KIAA1549: variants seen among roughly 807,000 people sequenced by gnomAD.
The protein encoded by KIAA1549 is UPF0606 protein KIAA1549.
In KIAA1549, 70 loss-of-function variants were observed where a neutral mutation model predicts 156.4. The ratio of observed to expected loss-of-function variants is 0.45; its 90% CI spans 0.37 to 0.55. The LOEUF (loss-of-function observed/expected upper bound fraction) is 0.55. Ranked by LOEUF, KIAA1549 falls within the 20% of genes least tolerant of loss-of-function variation. The probability of loss-of-function intolerance (pLI) is 0.00; values close to 1 mark genes in which losing one functional copy is unlikely to be tolerated. For synonymous variants in KIAA1549, 1,103 were observed against 1,066.4 expected, an observed-to-expected ratio of 1.03 and a Z score of -0.67; for missense variants, 2,428 against 2,540.9, an observed-to-expected ratio of 0.96 and a Z score of 0.96.
Position 138,919,219 on chromosome 7 carries a change from C to G in KIAA1549, c.407G>C (p.Ser136Thr). 6.2e-7 allele frequency: 1 copy of G among 1,614,010 alleles called. No individual in the cohort carries two copies. The highest frequency in any genetic ancestry group is 8.5e-7 in the Non-Finnish European group (1 of 1,179,898). Residue 136 changes from serine to threonine, a missense_variant, in exon 2 of 20, where the codon AGC becomes ACC. By Grantham distance (58) the Ser-to-Thr change is moderately conservative (BLOSUM62 1). Coordinates refer to ENST00000422774, the MANE Select transcript of KIAA1549 (RefSeq NM_001164665.2). Reference sequence around the variant, plus strand: ...TGACACGTAAGTTGCCACAAAGATGCTGGGATCTGCTGTACTTTTGGTCTG... The same window carrying G: ...TGACACGTAAGTTGCCACAAAGATGGTGGGATCTGCTGTACTTTTGGTCTG... The part of the protein sequence containing the change: ...GKQTKSTADP[S>T]IFVATYVSVT...
At chr7:138,843,794 AT>A (rs1202638160) in intron 18 of KIAA1549, among the ~76,000 whole-genome samples, 1 of 152,172 alleles carries the variant, frequency 6.6e-6, no homozygotes, top group Non-Finnish European at 1.5e-5. Flanking sequence ...AGGACACACT[AT>A]TTTTTTGCTG....
intron 17 of KIAA1549, among the ~76,000 whole-genome samples, chr7:138,845,899 G>A (rs183620603): frequency 5.0e-4 from 76 of 152,208 alleles, no homozygotes; most frequent in African/African-American, 1.2e-3. Flanking sequence ...CCAAACACCC[G>A]AGTCTGAATA....
At chr7:138,942,001 T>C (rs982961943) in intron 1 of KIAA1549, among the ~76,000 whole-genome samples, 1 of 152,232 alleles carries the variant, frequency 6.6e-6, no homozygotes, top group African/African-American at 2.4e-5. Context: ...CAATGCTCAA[T>C]TTTTATAAGC....
rs1812454637 is a variant in KIAA1549 at position 138,919,061 on chromosome 7, C to T, written c.565G>A (p.Ala189Thr). Residue 189 changes from alanine to threonine, a missense_variant, in exon 2 of 20, where the codon GCA becomes ACA. By Grantham distance (58) the Ala-to-Thr change is moderately conservative. This residue lies in a region of KIAA1549 where 893 missense variants were observed against 847.9 expected (regional missense o/e 1.05). Coordinates refer to ENST00000422774, the MANE Select transcript of KIAA1549 (RefSeq NM_001164665.2). ...TVSPPGLPRE[A>T]LEPMLTPSLP... ...GATGGAGTGAGCATAGGTTCTAATG[C>T]TTCCCTGGGCAGCCCTGGTGGGCTG... 5.0e-6 allele frequency: 8 copies of T among 1,613,916 alleles called. No individual in the cohort carries two copies. Among genetic ancestry groups the T allele is most frequent in the Admixed American group, 1.7e-5 (1 of 60,010 alleles).
chr7:138,965,426 A>G (rs912460840), intron 1 of KIAA1549, among the ~76,000 whole-genome samples: 1 of 152,176 alleles, frequency 6.6e-6, no homozygotes, highest in Non-Finnish European at 1.5e-5. Flanking sequence ...CCTGGGCTCA[A>G]GCAATCCGCC....
At position 138,916,962 on chromosome 7, in the gene KIAA1549, G is replaced by T. The variant is rs552102946; in HGVS notation, c.2664C>A (p.Thr888=). The T allele has an allele frequency of 6.2e-6, 10 of 1,602,602 alleles. No individual in the cohort carries two copies. In the South Asian group the frequency reaches 1.1e-4, roughly 18 times the overall value. ...NTSTEVSTTS[T]GAATGGPLDS... ...CGAGGGGACCACCAGTGGCAGCACC[G>T]GTGCTGGTTGTGCTCACTTCCGTGG... Residue 888 remains threonine (T), a synonymous_variant, in exon 2 of 20, where the codon ACC becomes ACA. Transcript: ENST00000422774.
chr7:138,962,199 T>C lies in KIAA1549; in HGVS notation c.187+18884A>G, dbSNP rs375785848. The stretch of plus-strand genomic sequence containing the variant: ...TTCCTAGAAGAATGCCTGACATAAG[T>C]GCACATTCGATTTTAGTTACCTATT... On this transcript the variant is annotated intron_variant, in intron 1 of 19. Coordinates refer to ENST00000422774, the MANE Select transcript of KIAA1549 (RefSeq NM_001164665.2). Among the ~76,000 whole-genome samples, 41 of 152,348 alleles carry C rather than the reference T, an allele frequency of 2.7e-4. 3 individuals are homozygous for C. The East Asian group carries it at 6.2e-3, about 23-fold the overall frequency.
At position 138,905,053 on chromosome 7, in the gene KIAA1549, A is replaced by G; in HGVS notation, c.3489T>C (p.Ser1163=). 6.3e-7 allele frequency: 1 copy of G among 1,577,360 alleles called. No homozygotes were observed. Among genetic ancestry groups the G allele is most frequent in the South Asian group, 1.2e-5 (1 of 85,702 alleles). Residue 1163 remains serine (S), a synonymous_variant, in exon 7 of 20, where the codon TCT becomes TCC. Coordinates refer to ENST00000422774, the MANE Select transcript of KIAA1549 (RefSeq NM_001164665.2). ...EPFQYPQLNL[S]QLLKSSWVRT... is the part of the protein sequence containing the mutation. ...TGACCCAAGAGGACTTCAGCAACTG[A>G]GATAAGTTGAGCTGTGGATACTGGA...
intron 10 of KIAA1549, among the ~76,000 whole-genome samples, chr7:138,884,725 T>C (rs965541241): frequency 1.3e-5 from 2 of 152,232 alleles, no homozygotes; most frequent in Non-Finnish European, 2.9e-5. Flanking sequence ...AAGCATTCCT[T>C]TGAAGTGACT....
chr7:138,956,957 A>G (rs950180565), intron 1 of KIAA1549, among the ~76,000 whole-genome samples: 12 of 152,232 alleles, frequency 7.9e-5, no homozygotes, highest in Non-Finnish European at 1.5e-4. Context: ...AAAACTAGTT[A>G]GGAACAATCA....
intron 1 of KIAA1549, among the ~76,000 whole-genome samples, chr7:138,967,481 C>T (rs906253820): frequency 1.3e-5 from 2 of 152,070 alleles, no homozygotes; most frequent in East Asian, 3.9e-4. Context: ...GAATGCATAT[C>T]GTTTTTATAA....
chr7:138,956,194 A>G (rs944007351), intron 1 of KIAA1549, among the ~76,000 whole-genome samples: 4 of 152,196 alleles, frequency 2.6e-5, no homozygotes, highest in African/African-American at 7.2e-5. Context: ...AATCACCCAC[A>G]GGGATTTAGT....
At chr7:138,977,961 A>G (rs548512172) in intron 1 of KIAA1549, among the ~76,000 whole-genome samples, 1 of 152,314 alleles carries the variant, frequency 6.6e-6, no homozygotes, top group East Asian at 1.9e-4. Flanking sequence ...CGGCTTCCCA[A>G]AGTGCTGGGA....
Position 138,911,220 on chromosome 7 carries a change from C to T in KIAA1549, c.3071G>A (p.Arg1024His), listed in dbSNP as rs763996909. Reference protein sequence around the residue: ...INVLINSKLVRDQTPLILSVK... With the variant: ...INVLINSKLVHDQTPLILSVK... ...AGACAGGATTAAAGGAGTCTGGTCA[C>T]GGACAAGCTTACTGTTTATAAGCAC... Residue 1024 changes from arginine to histidine, a missense_variant, in exon 4 of 20, where the codon CGT (arginine) becomes CAT (histidine). By Grantham distance (29) the Arg-to-His change is conservative (BLOSUM62 0). Around this residue, in one of 5 missense-constraint regions of KIAA1549, gnomAD observed 762 missense variants for 901.6 expected, o/e 0.85. Coordinates refer to ENST00000422774, the MANE Select transcript of KIAA1549 (RefSeq NM_001164665.2). 1.9e-5 allele frequency: 30 copies of T among 1,599,552 alleles called. No individual in the cohort carries two copies. The South Asian group carries it at 1.9e-4, about 10-fold the overall frequency.
At chr7:138,840,468 T>C (rs1244412070) in intron 18 of KIAA1549, among the ~76,000 whole-genome samples, 190 bp from the exon 19 acceptor site, 1 of 151,754 alleles carries the variant, frequency 6.6e-6, no homozygotes, top group East Asian at 1.9e-4. Flanking sequence ...TTCCTGAGGG[T>C]CCCATAGGTA....
In KIAA1549 at chr7:138,918,302, C is replaced by T. The variant is rs145624760; in HGVS notation, c.1324G>A (p.Val442Met). ...GTCTCGGCACCATCCCCTGATCCCA[C>T]GTCTTTCTCCATGAGGCTCGTGGCC... ...VLATSLMEKD[V>M]GSGDGAETLC... Residue 442 changes from valine to methionine, a missense_variant, in exon 2 of 20, where the codon GTG becomes ATG. Physicochemically the swap from Val to Met is conservative, Grantham distance 21. Coordinates refer to ENST00000422774, the MANE Select transcript of KIAA1549 (RefSeq NM_001164665.2). This position sits in a 1 kb window ranked among gnomAD's most constrained non-coding sequence, Gnocchi z 4.2. 5.0e-6 allele frequency: 8 copies of T among 1,613,908 alleles called. No homozygotes were observed. The highest frequency in any genetic ancestry group is 1.6e-4 in the Middle Eastern group (1 of 6,084).
chr7:138,929,748 G>A (rs1329381039), intron 1 of KIAA1549, among the ~76,000 whole-genome samples: 2 of 152,042 alleles, frequency 1.3e-5, no homozygotes, highest in Admixed American at 1.3e-4. Flanking sequence ...GGAATACAAT[G>A]GTACAATTAT....
At chr7:138,896,830 A>G (rs7783228) in intron 9 of KIAA1549, among the ~76,000 whole-genome samples, 51,377 of 151,552 alleles carry the variant, frequency 0.34, 11,554 homozygotes, top group African/African-American at 0.65. Flanking sequence ...TGAACTCCTG[A>G]GCTCAACTGA....
At position 138,836,716 on chromosome 7, in the gene KIAA1549, G is replaced by A. The variant is rs562594652; in HGVS notation, c.*1190C>T. On this transcript the variant is annotated 3_prime_UTR_variant, in exon 20 of 20. Coordinates refer to ENST00000422774, the MANE Select transcript of KIAA1549 (RefSeq NM_001164665.2). The stretch of plus-strand genomic sequence containing the variant: ...CATAAGACAATTTTAATAGCCACTC[G>A]ACAGAGTAACAGCACAATAAAATCA... 1.0e-4 allele frequency: 22 copies of A among 217,888 alleles called. No individual in the cohort carries two copies. Among genetic ancestry groups the A allele is most frequent in the Non-Finnish European group, 1.7e-4 (18 of 108,458 alleles). The allele number at this position is 217,888 out of a possible 1,614,324, so 13.5% of individuals were successfully genotyped here. A position where few individuals can be genotyped will look rare whatever the true frequency, so the allele number is the denominator to read the frequency against.
Sources: allele counts gnomAD v4.1 joint callset (sites outside exome capture counted in the v4.1 genomes callset), GRCh38; gene constraint gnomAD v4.1.1; regional missense constraint gnomAD v4.1.1; non-coding constraint Gnocchi (gnomAD v3.1); transcripts MANE v1.5; gene names NCBI Gene and HGNC (gene_info 2026-07-23, HGNC 2026-07-21).